CXXC5: variants seen among roughly 807,000 people sequenced by gnomAD.
The protein encoded by CXXC5 is CXXC finger protein 5.
A neutral mutation model predicts 17.6 loss-of-function variants in CXXC5; 2 were observed. The observed-to-expected ratio is 0.11, with a 90% CI of 0.05 to 0.36. The LOEUF (loss-of-function observed/expected upper bound fraction) is 0.36, where lower values mean the gene tolerates loss of function less well. CXXC5 is among the 10% of genes least tolerant of loss of function. The pLI is 1.00. For missense variants in CXXC5, 343 were observed against 458.3 expected (o/e 0.75, Z 2.30); for synonymous variants, 171 against 193.0 (o/e 0.89, Z 0.94).
At chr5:139,659,224 G>A (rs557421595) in intron 1 of CXXC5, among the ~76,000 whole-genome samples, 1 of 152,164 alleles carries the variant, frequency 6.6e-6, no homozygotes, top group Non-Finnish European at 1.5e-5. Flanking sequence ...ACGGGTAGGG[G>A]TGTGACTTGG....
Position 139,670,620 on chromosome 5 carries a change from G to A in CXXC5, c.-160-9744G>A, listed in dbSNP as rs772430973. Among the ~76,000 whole-genome samples the A allele has an allele frequency of 9.2e-5, 14 of 152,186 alleles. No homozygotes were observed. The highest frequency in any genetic ancestry group is 2.1e-4 in the Non-Finnish European group (14 of 68,042). ...TCATGCGGCAAAGATGTGTTGACACGTACAGACCAGAAGACTCCACAAACA... is the reference window on the plus strand; with the variant it reads ...TCATGCGGCAAAGATGTGTTGACACATACAGACCAGAAGACTCCACAAACA... On this transcript the variant is annotated intron_variant, in intron 1 of 2. Coordinates refer to ENST00000302517, the MANE Select transcript of CXXC5 (RefSeq NM_016463.9). The surrounding 1 kb of genome is among the most constrained non-coding windows in gnomAD (Gnocchi z 4.2).
At chr5:139,651,488 T>G (rs888090217) in intron 1 of CXXC5, among the ~76,000 whole-genome samples, 1 of 152,162 alleles carries the variant, frequency 6.6e-6, no homozygotes, top group Non-Finnish European at 1.5e-5. Context: ...ACTGTGACCC[T>G]CAACTCTTGC....
intron 1 of CXXC5, chr5:139,675,607 A>G (rs1756738640): frequency 6.6e-6 from 1 of 152,170 alleles, no homozygotes; most frequent in African/African-American, 2.4e-5. Context: ...CACTCTGTCA[A>G]TTGCAAAAGT....
intron 1 of CXXC5, among the ~76,000 whole-genome samples, chr5:139,678,957 G>A (rs535184210): frequency 1.3e-5 from 2 of 152,324 alleles, no homozygotes; most frequent in East Asian, 3.9e-4. Context: ...GCTCCATCTG[G>A]CCCAGTCCCT....
intron 1 of CXXC5, among the ~76,000 whole-genome samples, chr5:139,669,302 A>G (rs1756313544): frequency 6.6e-6 from 1 of 152,130 alleles, no homozygotes; most frequent in Non-Finnish European, 1.5e-5. Flanking sequence ...CGGAATTGCT[A>G]ATCCCCCTCC....
intron 1 of CXXC5, among the ~76,000 whole-genome samples, chr5:139,652,161 CGCGCGCGCGCGT>C (rs1324799096): frequency 1.6e-4 from 20 of 126,466 alleles, no homozygotes; most frequent in African/African-American, 1.9e-4. Context: ...CGCGCGCGCG[CGCGCGCGCGCGT>C]GTGTGTGTGT....
Position 139,682,854 on chromosome 5 carries a change from C to G in CXXC5, c.925-9C>G. 8 of 1,591,886 alleles carry G rather than the reference C, an allele frequency of 5.0e-6. No homozygotes were observed. Among genetic ancestry groups the G allele is most frequent in the Non-Finnish European group, 6.8e-6 (8 of 1,168,824 alleles). On this transcript the variant is annotated splice_polypyrimidine_tract_variant and intron_variant, in intron 2 of 2. Coordinates refer to ENST00000302517, the MANE Select transcript of CXXC5 (RefSeq NM_016463.9). ...CTCTCTCCTTGTTTTTGTCTCCCGC[C>G]CCCGCCAGAAGGTGATGCTTCCGAC...
intron 1 of CXXC5, among the ~76,000 whole-genome samples, chr5:139,679,192 C>T (rs973045207): frequency 6.6e-6 from 1 of 152,246 alleles, no homozygotes; most frequent in African/African-American, 2.4e-5. Flanking sequence ...CTGAGACCTC[C>T]ACCCAGGCCC....
chr5:139,647,870 C>A (rs1300689080), upstream of CXXC5: 2 of 152,064 alleles, frequency 1.3e-5, no homozygotes, highest in African/African-American at 2.4e-5. Flanking sequence ...GCGTCTACCT[C>A]CCAGGACCCT....
chr5:139,650,426 G>A (rs1440122236), intron 1 of CXXC5, among the ~76,000 whole-genome samples: 2 of 152,228 alleles, frequency 1.3e-5, no homozygotes, highest in African/African-American at 4.8e-5. Flanking sequence ...ATTTTCTTTG[G>A]AAGCGTTGGG....
At position 139,663,871 on chromosome 5, in the gene CXXC5, C is replaced by G. The variant is rs563791465; in HGVS notation, c.-161+15026C>G. On this transcript the variant is annotated intron_variant, in intron 1 of 2. Coordinates refer to ENST00000302517, the MANE Select transcript of CXXC5 (RefSeq NM_016463.9). The surrounding 1 kb of genome is among the most constrained non-coding windows in gnomAD (Gnocchi z 4.2). ...GGGGGCTGTCAGCGGCTGCATTTCA[C>G]TGGCTAGGGGTTGGGCTCAGCGAGG... Among the ~76,000 whole-genome samples the G allele has an allele frequency of 2.0e-5, 3 of 152,340 alleles. No homozygotes were observed. Among genetic ancestry groups the G allele is most frequent in the African/African-American group, 7.2e-5 (3 of 41,574 alleles).
chr5:139,681,866 C>T (rs901543157), intron 2 of CXXC5, among the ~76,000 whole-genome samples: 19 of 152,216 alleles, frequency 1.2e-4, no homozygotes, highest in African/African-American at 4.1e-4. Context: ...TTCTGTTTCA[C>T]GGGCCCTGTG....
intron 1 of CXXC5, among the ~76,000 whole-genome samples, chr5:139,654,271 C>G (rs1163620595): frequency 6.6e-6 from 1 of 152,202 alleles, no homozygotes; most frequent in African/African-American, 2.4e-5. Context: ...TAACCTCCAC[C>G]CAGACAAGTG....
chr5:139,671,617 G>T (rs984940600), intron 1 of CXXC5, among the ~76,000 whole-genome samples: 1 of 152,224 alleles, frequency 6.6e-6, no homozygotes, highest in African/African-American at 2.4e-5. Flanking sequence ...TCTGCTTCCT[G>T]CGGAGGCTGC....
At chr5:139,673,855 AG>A (rs1193405482) in intron 1 of CXXC5, among the ~76,000 whole-genome samples, 3 of 101,798 alleles carry the variant, frequency 2.9e-5, no homozygotes, top group Non-Finnish European at 6.4e-5. Context: ...AAAAAAAAAA[AG>A]AGAGAGAGAA....
At chr5:139,650,198 G>T (rs1049560377) in intron 1 of CXXC5, among the ~76,000 whole-genome samples, 4 of 152,176 alleles carry the variant, frequency 2.6e-5, no homozygotes, top group African/African-American at 9.7e-5. Flanking sequence ...GGAAAGACCC[G>T]CTCCCTGAAG....
intron 1 of CXXC5, among the ~76,000 whole-genome samples, chr5:139,673,729 C>T (rs887120989): frequency 1.3e-5 from 2 of 151,978 alleles, no homozygotes; most frequent in Non-Finnish European, 2.9e-5. Context: ...GTAATCCCAG[C>T]CACTCTGGAG....
chr5:139,669,196 G>A (rs1293695828), intron 1 of CXXC5, among the ~76,000 whole-genome samples: 1 of 152,176 alleles, frequency 6.6e-6, no homozygotes, highest in Non-Finnish European at 1.5e-5. Context: ...GTGGGAGGGG[G>A]AGCGCCATGG....
chr5:139,657,666 C>T (rs1005425460), intron 1 of CXXC5, among the ~76,000 whole-genome samples: 4 of 152,132 alleles, frequency 2.6e-5, no homozygotes, highest in Admixed American at 1.3e-4. Context: ...TGGGGCGGGT[C>T]CTATCTTCTT....
Sources: allele counts gnomAD v4.1 joint callset (sites outside exome capture counted in the v4.1 genomes callset), GRCh38; gene constraint gnomAD v4.1.1; non-coding constraint Gnocchi (gnomAD v3.1); transcripts MANE v1.5; gene names NCBI Gene and HGNC (gene_info 2026-07-23, HGNC 2026-07-21).